Variants in ATG4B observed in about 807,000 individuals in gnomAD.
ATG4B encodes the protein autophagy related 4B cysteine peptidase, also known as cysteine protease ATG4B.
In ATG4B, 29 loss-of-function variants were observed where a neutral mutation model predicts 56.6. That is an observed-to-expected ratio of 0.51 (90% CI 0.38 to 0.70). The LOEUF (loss-of-function observed/expected upper bound fraction) is 0.70. ATG4B is among the 30% of genes least tolerant of loss of function. The pLI, the probability that ATG4B is intolerant of heterozygous loss-of-function variation, is 0.00. For synonymous variants in ATG4B, 224 were observed against 206.1 expected (o/e 1.09, Z -0.74); for missense variants, 461 against 515.5 (o/e 0.89, Z 1.02).
chr2:241,668,989 AGTGT>A lies in ATG4B; in HGVS notation c.957+307_957+310del. On this transcript the variant is annotated intron_variant, in intron 10 of 12. Transcript: ENST00000404914. The surrounding 1 kb of genome is among the most constrained non-coding windows in gnomAD (Gnocchi z 4.2). ...GCATGGATGAGTGTGAGCCATGGTGAGTGTGTCCCCCTCACACCTACATTTAAAC... is the reference window on the plus strand; with the variant it reads ...GCATGGATGAGTGTGAGCCATGGTGAGTCCCCCTCACACCTACATTTAAAC... 2.6e-6 allele frequency: 1 copy of A among 392,118 alleles called. No homozygotes were observed. The highest frequency in any genetic ancestry group is 2.8e-5 in the South Asian group (1 of 35,708). The allele number at this position is 392,118 out of a possible 1,614,324, so 24.3% of individuals were successfully genotyped here.
intron 1 of ATG4B, among the ~76,000 whole-genome samples, chr2:241,642,462 C>A (rs1283628508): frequency 1.3e-5 from 2 of 152,072 alleles, no homozygotes; most frequent in African/African-American, 4.8e-5. Flanking sequence ...AAAAGAAGAA[C>A]CTTTGTTGAA....
At chr2:241,649,971 A>G (rs2068181204) in intron 1 of ATG4B, among the ~76,000 whole-genome samples, 1 of 151,860 alleles carries the variant, frequency 6.6e-6, no homozygotes, top group African/African-American at 2.4e-5. Flanking sequence ...TTTAGTAGAG[A>G]CGGAGTTTCA....
chr2:241,654,626 T>C lies in ATG4B; in HGVS notation c.364T>C (p.Tyr122His), dbSNP rs1237055057. 7 of 1,599,082 alleles carry C rather than the reference T, an allele frequency of 4.4e-6. No homozygotes were observed. The African/African-American group carries it at 8.0e-5, about 18-fold the overall frequency. The change falls in exon 5 of 13, where the codon TAC becomes CAC. Residue 122 changes from tyrosine (Y) to histidine (H), a missense_variant. By Grantham distance (83) the Tyr-to-His change is moderately conservative. Coordinates refer to ENST00000404914, the MANE Select transcript of ATG4B (RefSeq NM_013325.5). ...CGCATTCATCGACAGGAAGGACAGT[T>C]ACTACTCCATTCACCAGATAGGTGG... ...LNAFIDRKDS[Y>H]YSIHQIAQMG...
intron 1 of ATG4B, among the ~76,000 whole-genome samples, chr2:241,648,744 G>T (rs1204314076): frequency 2.0e-5 from 3 of 152,192 alleles, no homozygotes; most frequent in Admixed American, 6.5e-5. Flanking sequence ...GCAGAGAGGG[G>T]CCTGGGTCTC....
chr2:241,660,627 T>C (rs1303751888), intron 7 of ATG4B, among the ~76,000 whole-genome samples: 1 of 152,202 alleles, frequency 6.6e-6, no homozygotes, highest in Admixed American at 6.5e-5. Flanking sequence ...ATTATTGATT[T>C]TACCACTCAG....
chr2:241,671,806 G>A (rs1419613261), intron 12 of ATG4B: 12 of 1,274,786 alleles, frequency 9.4e-6, no homozygotes, highest in African/African-American at 7.6e-5. Context: ...CGCAGGAGCC[G>A]GCCTGGGCTC....
At chr2:241,646,764 A>C (rs1207661106) in intron 1 of ATG4B, among the ~76,000 whole-genome samples, 1 of 147,104 alleles carries the variant, frequency 6.8e-6, no homozygotes, top group African/African-American at 2.5e-5. Context: ...TGTTAGGTAG[A>C]TTACGTGTAT....
chr2:241,650,014 C>T (rs2068182471), intron 1 of ATG4B, among the ~76,000 whole-genome samples: 1 of 152,104 alleles, frequency 6.6e-6, no homozygotes, highest in Admixed American at 6.6e-5. Context: ...AAACTCCTGG[C>T]CTCAGGTGAT....
intron 1 of ATG4B, among the ~76,000 whole-genome samples, chr2:241,640,167 C>T (rs144447437): frequency 2.7e-4 from 41 of 152,224 alleles, no homozygotes; most frequent in African/African-American, 8.7e-4. Flanking sequence ...TGTTACATGG[C>T]GATACTTTAT....
intron 4 of ATG4B, among the ~76,000 whole-genome samples, chr2:241,653,885 C>T (rs181803837): frequency 7.4e-5 from 11 of 149,594 alleles, no homozygotes; most frequent in South Asian, 2.1e-4. Context: ...CCAGCTACTT[C>T]GGAGACTGAT....
At chr2:241,657,161 G>C (rs762788211) in intron 6 of ATG4B, among the ~76,000 whole-genome samples, 23 of 147,116 alleles carry the variant, frequency 1.6e-4, no homozygotes, top group African/African-American at 5.6e-4. Flanking sequence ...ATTTTTAGTA[G>C]AGATGGGGTT....
intron 4 of ATG4B, 116 bp downstream of exon 4, chr2:241,653,726 G>C: frequency 1.1e-6 from 1 of 881,652 alleles, no homozygotes; most frequent in Non-Finnish European, 1.7e-6. Context: ...TAGAACTTGG[G>C]GGTTTCTTGA....
Position 241,668,004 on chromosome 2 carries a change from T to G in ATG4B, c.733-139T>G. On this transcript the variant is annotated intron_variant, in intron 8 of 12. Transcript: ENST00000404914. The surrounding 1 kb of genome is among the most constrained non-coding windows in gnomAD (Gnocchi z 4.2). The stretch of plus-strand genomic sequence containing the variant: ...GTGGTCTTTCCTGGACAGTAAGCTC[T>G]TTGGTACCATGTCCCCTCCTGTCCC... 1.4e-6 allele frequency: 1 copy of G among 738,422 alleles called. No homozygotes were observed. The highest frequency in any genetic ancestry group is 2.8e-5 in the Admixed American group (1 of 35,706). 45.7% of individuals were successfully genotyped at this position (738,422 alleles called of 1,614,324 possible). A position where few individuals can be genotyped will look rare whatever the true frequency, so the allele number is the denominator to read the frequency against.
At chr2:241,654,525 C>G (rs762254817) in intron 4 of ATG4B, 21 bp from the exon 5 acceptor site, 3 of 1,547,180 alleles carry the variant, frequency 1.9e-6, no homozygotes, top group Non-Finnish European at 2.6e-6. Context: ...TAGAGCTGAC[C>G]TGTAATTTTT....
intron 11 of ATG4B, 69 bp downstream of exon 11, chr2:241,670,851 G>C: frequency 6.7e-7 from 1 of 1,483,360 alleles, no homozygotes; most frequent in Non-Finnish European, 9.2e-7. Context: ...GGCGTGCAGG[G>C]GTCGAAGGCC....
In ATG4B at chr2:241,640,276, T is replaced by C. The variant is rs141277309; in HGVS notation, c.10+2552T>C. On this transcript the variant is annotated intron_variant, in intron 1 of 12. Transcript: ENST00000404914. The stretch of plus-strand genomic sequence containing the variant: ...GTGGGATCAGAGTAGAAAAGGTGTT[T>C]GCATTTAAAGGTCTCTGTTTATGCT... 9.0e-3 allele frequency among the ~76,000 whole-genome samples: 1,378 copies of C among 152,336 alleles called. 9 individuals carry two copies. Among genetic ancestry groups the C allele is most frequent in the Non-Finnish European group, 0.016 (1,087 of 68,028 alleles).
intron 1 of ATG4B, among the ~76,000 whole-genome samples, chr2:241,639,258 T>C (rs1185532008): frequency 6.6e-6 from 1 of 152,146 alleles, no homozygotes; most frequent in Non-Finnish European, 1.5e-5. Flanking sequence ...AAAGGGACAG[T>C]GGATTCTGGT....
intron 7 of ATG4B, among the ~76,000 whole-genome samples, chr2:241,665,402 T>A (rs895114665): frequency 2.0e-5 from 3 of 152,174 alleles, no homozygotes; most frequent in Non-Finnish European, 4.4e-5. Context: ...TGCCGCTGAT[T>A]TGTGTTCCTG....
intron 7 of ATG4B, among the ~76,000 whole-genome samples, chr2:241,661,813 C>T (rs976540706): frequency 6.6e-6 from 1 of 152,126 alleles, no homozygotes; most frequent in Non-Finnish European, 1.5e-5. Context: ...ACATCCTTAG[C>T]ATGCTCTTCT....
Sources: allele counts gnomAD v4.1 joint callset (sites outside exome capture counted in the v4.1 genomes callset), GRCh38; gene constraint gnomAD v4.1.1; non-coding constraint Gnocchi (gnomAD v3.1); transcripts MANE v1.5; gene names NCBI Gene and HGNC (gene_info 2026-07-23, HGNC 2026-07-21).